Variants in CSMD1 observed in about 807,000 individuals in gnomAD.
CSMD1 encodes the protein CUB and sushi domain-containing protein 1.
CSMD1 carries 213 observed loss-of-function variants against 417.5 expected under a neutral mutation model. The ratio of observed to expected loss-of-function variants is 0.51; its 90% confidence interval spans 0.46 to 0.57. The LOEUF is 0.57. Among genes scored for constraint, CSMD1 ranks in the 20% least tolerant of loss-of-function variants. The probability of loss-of-function intolerance (pLI) is 0.00; values close to 1 mark genes in which losing one functional copy is unlikely to be tolerated. For synonymous variants in CSMD1, 2,862 were observed against 1,736.8 expected (o/e 1.65, Z -16.11); for missense variants, 6,923 against 4,529.7 (o/e 1.53, Z -15.17).
intron 3 of CSMD1, among the ~76,000 whole-genome samples, chr8:4,083,120 G>C (rs1207319802): frequency 6.6e-6 from 1 of 152,040 alleles, no homozygotes; most frequent in Non-Finnish European, 1.5e-5. Flanking sequence ...AGTCCTTTTA[G>C]TATATACCCA....
At chr8:4,754,587 C>T (rs1178953940) in intron 1 of CSMD1, among the ~76,000 whole-genome samples, 1 of 151,466 alleles carries the variant, frequency 6.6e-6, no homozygotes, top group African/African-American at 2.4e-5. Context: ...CGCAGTGGCT[C>T]ATGTCTGTAA....
At chr8:3,261,545 G>T (rs969274317) in intron 26 of CSMD1, among the ~76,000 whole-genome samples, 1 of 152,082 alleles carries the variant, frequency 6.6e-6, no homozygotes, top group African/African-American at 2.4e-5. Context: ...AAACCTGCGC[G>T]TGAATGTTCA....
chr8:4,754,615 G>A (rs1811551605), intron 1 of CSMD1, among the ~76,000 whole-genome samples: 1 of 151,900 alleles, frequency 6.6e-6, no homozygotes, highest in South Asian at 2.1e-4. Flanking sequence ...ACTTTGGGAG[G>A]CAGAGGTGGG....
At chr8:4,791,123 A>C (rs1308918527) in intron 1 of CSMD1, among the ~76,000 whole-genome samples, 1 of 152,094 alleles carries the variant, frequency 6.6e-6, no homozygotes, top group Admixed American at 6.6e-5. Flanking sequence ...AGAGACGGGG[A>C]GGGAGAAACT....
intron 41 of CSMD1, among the ~76,000 whole-genome samples, chr8:3,132,616 A>G (rs1020928525): frequency 4.6e-5 from 7 of 152,192 alleles, no homozygotes; most frequent in Admixed American, 6.5e-5. Flanking sequence ...CTTCTTTGGT[A>G]TATTTCCACC....
intron 1 of CSMD1, among the ~76,000 whole-genome samples, chr8:4,643,088 G>C (rs1258493872): frequency 6.6e-6 from 1 of 152,182 alleles, no homozygotes; most frequent in Non-Finnish European, 1.5e-5. Context: ...TGTGTAAATA[G>C]AGTCCAGGCA....
chr8:3,238,108 C>G (rs957826455), intron 26 of CSMD1, among the ~76,000 whole-genome samples: 11 of 151,472 alleles, frequency 7.3e-5, no homozygotes, highest in Non-Finnish European at 1.0e-4. Flanking sequence ...AAGGGAGATA[C>G]GGGTGGGGCC....
At chr8:4,641,217 A>G (rs1187846433) in intron 1 of CSMD1, among the ~76,000 whole-genome samples, 3 of 151,990 alleles carry the variant, frequency 2.0e-5, no homozygotes, top group Non-Finnish European at 4.4e-5. Flanking sequence ...AATTCAAACA[A>G]ACTTCCAAGA....
At chr8:3,344,487 T>A (rs966939573) in intron 22 of CSMD1, among the ~76,000 whole-genome samples, 2 of 152,162 alleles carry the variant, frequency 1.3e-5, no homozygotes, top group Admixed American at 1.3e-4. Flanking sequence ...AAAAAGTCAA[T>A]GCAGCAGTCC....
At chr8:4,527,918 C>T (rs1048437044) in intron 2 of CSMD1, among the ~76,000 whole-genome samples, 22 of 152,156 alleles carry the variant, frequency 1.4e-4, no homozygotes, top group African/African-American at 5.3e-4. Context: ...CAGGGCGTGC[C>T]TGCTTCCTGA....
At chr8:3,124,442 G>C (rs1817381185) in intron 41 of CSMD1, among the ~76,000 whole-genome samples, 1 of 152,212 alleles carries the variant, frequency 6.6e-6, no homozygotes, top group Non-Finnish European at 1.5e-5. Context: ...TTGAAGAAAT[G>C]ACGTTTAAAT....
chr8:3,926,144 A>G (rs1809711201), intron 5 of CSMD1, among the ~76,000 whole-genome samples: 1 of 149,790 alleles, frequency 6.7e-6, no homozygotes, highest in Non-Finnish European at 1.5e-5. Flanking sequence ...TGTGGTGTGT[A>G]TAGGTGGGGG....
At chr8:3,539,851 G>A (rs191338336) in intron 10 of CSMD1, among the ~76,000 whole-genome samples, 1 of 152,032 alleles carries the variant, frequency 6.6e-6, no homozygotes, top group East Asian at 1.9e-4. Flanking sequence ...AAAATCTGGT[G>A]GATAATTTTG....
chr8:4,124,427 T>C (rs540772193), intron 3 of CSMD1, among the ~76,000 whole-genome samples: 3 of 152,064 alleles, frequency 2.0e-5, no homozygotes, highest in East Asian at 3.9e-4. Flanking sequence ...CCCTTTAGTG[T>C]AGAAGGGAGG....
chr8:4,465,710 T>A (rs1217659), intron 2 of CSMD1, among the ~76,000 whole-genome samples: 124,752 of 152,146 alleles, frequency 0.82, 51,245 homozygotes, highest in Middle Eastern at 0.89. Flanking sequence ...AGAAGAATGG[T>A]AGGAAAGGAT....
chr8:4,883,933 A>G (rs1242240971), intron 1 of CSMD1, among the ~76,000 whole-genome samples: 1 of 151,974 alleles, frequency 6.6e-6, no homozygotes. Flanking sequence ...AGATTGCAAT[A>G]TTTCACATTT....
At chr8:3,011,281 T>C (rs946084759) in intron 52 of CSMD1, among the ~76,000 whole-genome samples, 1 of 152,156 alleles carries the variant, frequency 6.6e-6, no homozygotes, top group African/African-American at 2.4e-5. Flanking sequence ...TTTTCCTGAC[T>C]AACATACAGA....
At chr8:3,047,482 A>G (rs957366428) in intron 50 of CSMD1, among the ~76,000 whole-genome samples, 1 of 152,154 alleles carries the variant, frequency 6.6e-6, no homozygotes, top group African/African-American at 2.4e-5. Context: ...TTCAGAGCAC[A>G]CGCTCCAGGA....
chr8:4,971,981 A>T (rs1319923846), intron 1 of CSMD1, among the ~76,000 whole-genome samples: 2 of 152,068 alleles, frequency 1.3e-5, no homozygotes, highest in African/African-American at 4.8e-5. Flanking sequence ...GGTGTTAGTG[A>T]TCAACATTTA....
Sources: gnomAD v4.1 joint callset for allele counts (sites outside exome capture counted in the v4.1 genomes callset) on GRCh38, gnomAD v4.1.1 for gene constraint, MANE v1.5 for transcripts, NCBI Gene and HGNC (gene_info 2026-07-23, HGNC 2026-07-21) for gene names.